The following RBFOX1 variants were observed in gnomAD, a reference collection of about 807,000 sequenced individuals.
RBFOX1 encodes RNA binding protein fox-1 homolog 1.
In RBFOX1, 8 loss-of-function variants were observed where a neutral mutation model predicts 57.7. The observed-to-expected ratio is 0.14, with a 90% confidence interval of 0.08 to 0.25. The LOEUF (loss-of-function observed/expected upper bound fraction) is 0.25, where lower values mean the gene tolerates loss of function less well. RBFOX1 is among the 10% of genes least tolerant of loss of function. The pLI is 1.00. For synonymous variants in RBFOX1, 326 were observed against 222.4 expected, an observed-to-expected ratio of 1.47 and a Z score of -4.15; for missense variants, 611 against 548.5, an observed-to-expected ratio of 1.11 and a Z score of -1.14.
chr16:6,502,144 GC>G (rs2095952893), intron 2 of RBFOX1, among the ~76,000 whole-genome samples: 1 of 152,076 alleles, frequency 6.6e-6, no homozygotes. Flanking sequence ...GTCCCTTCAG[GC>G]ATTGGCTTTA....
chr16:5,261,894 C>T lies in RBFOX1; in HGVS notation c.219+21789C>T, dbSNP rs188576362. Among the ~76,000 whole-genome samples the T allele has an allele frequency of 1.8e-4, 28 of 152,268 alleles. 1 individual carries two copies. The highest frequency in any genetic ancestry group is 1.4e-3 in the Admixed American group (21 of 15,286). On this transcript the variant is annotated intron_variant, in intron 1 of 2. Coordinates refer to the RBFOX1 transcript ENST00000585867. ...GTAACCCCCTTTCCCTGGCCTCTTG[C>T]ATCTTGTCTTCTTCTCTCCCAGTAG...
chr16:7,276,408 G>C (rs534885652), intron 4 of RBFOX1, among the ~76,000 whole-genome samples: 17 of 152,304 alleles, frequency 1.1e-4, no homozygotes, highest in African/African-American at 3.4e-4. Flanking sequence ...GAAGAGCCTG[G>C]ACATCCATTA....
At chr16:5,666,924 T>A (rs1283107815) in intron 3 of RBFOX1, among the ~76,000 whole-genome samples, 1 of 152,194 alleles carries the variant, frequency 6.6e-6, no homozygotes, top group Non-Finnish European at 1.5e-5. Context: ...GATTGCCCTG[T>A]GTGTTTCATT....
chr16:6,984,142 G>A (rs1345297066), intron 3 of RBFOX1, among the ~76,000 whole-genome samples: 1 of 152,136 alleles, frequency 6.6e-6, no homozygotes, highest in African/African-American at 2.4e-5. Context: ...AGCAACTTGG[G>A]AGGCTGAGGC....
At chr16:5,440,157 C>G (rs2068040489) in intron 1 of RBFOX1, among the ~76,000 whole-genome samples, 1 of 152,172 alleles carries the variant, frequency 6.6e-6, no homozygotes, top group Non-Finnish European at 1.5e-5. Context: ...ACTTGTAAAA[C>G]TAAGAAGCAT....
intron 2 of RBFOX1, among the ~76,000 whole-genome samples, chr16:6,330,367 G>T (rs2082868628): frequency 6.6e-6 from 1 of 152,184 alleles, no homozygotes; most frequent in South Asian, 2.1e-4. Context: ...CTCCCAAGAA[G>T]CCTTGCACAG....
At chr16:6,825,665 A>G (rs1220786593) in intron 3 of RBFOX1, among the ~76,000 whole-genome samples, 1 of 152,154 alleles carries the variant, frequency 6.6e-6, no homozygotes, top group African/African-American at 2.4e-5. Context: ...AGAAAGCAGG[A>G]GTCTTGGATA....
chr16:7,029,046 C>CCATATATATATA (rs1491230817), intron 3 of RBFOX1, among the ~76,000 whole-genome samples: 1 of 45,210 alleles, frequency 2.2e-5, no homozygotes, highest in South Asian at 6.3e-4. Flanking sequence ...AAAAAAAAAG[C>CCATATATATATA]TATATATATA....
In RBFOX1 at chr16:5,791,188, G is replaced by C. The variant is rs149137374; in HGVS notation, c.319-76115G>C. Among the ~76,000 whole-genome samples the C allele has an allele frequency of 2.6e-3, 389 of 152,038 alleles. 1 individual carries two copies. Among genetic ancestry groups the C allele is most frequent in the Middle Eastern group, 6.8e-3 (2 of 294 alleles). On this transcript the variant is annotated intron_variant, in intron 3 of 19. Transcript: ENST00000641259. ...TGGCTTTTTTATTTTAATTTGTCACGCATGACTCAGCTAGATCATTAAATA... is the reference window on the plus strand; with the variant it reads ...TGGCTTTTTTATTTTAATTTGTCACCCATGACTCAGCTAGATCATTAAATA...
At chr16:7,605,442 C>G (rs1031864380) in intron 9 of RBFOX1, among the ~76,000 whole-genome samples, 2 of 152,132 alleles carry the variant, frequency 1.3e-5, no homozygotes, top group African/African-American at 4.8e-5. Flanking sequence ...AAGTATAACA[C>G]TTTGAGAATC....
intron 3 of RBFOX1, among the ~76,000 whole-genome samples, chr16:7,027,628 C>T (rs1031082588): frequency 6.6e-6 from 1 of 152,132 alleles, no homozygotes; most frequent in African/African-American, 2.4e-5. Flanking sequence ...GAATTTAATC[C>T]CCCAAGCCCA....
intron 4 of RBFOX1, among the ~76,000 whole-genome samples, chr16:7,265,999 G>A (rs1303035092): frequency 3.0e-5 from 4 of 131,602 alleles, no homozygotes; most frequent in Non-Finnish European, 6.3e-5. Flanking sequence ...TTCTGAGAGG[G>A]AGTCTTGCTG....
chr16:7,586,776 T>C (rs1474341902), intron 6 of RBFOX1, among the ~76,000 whole-genome samples: 4 of 152,182 alleles, frequency 2.6e-5, no homozygotes, highest in Admixed American at 2.6e-4. Context: ...GTTTGTACTT[T>C]CTTGCTCATA....
intron 3 of RBFOX1, among the ~76,000 whole-genome samples, chr16:6,798,449 ATGT>A (rs2084599788): frequency 1.3e-5 from 2 of 152,184 alleles, no homozygotes; most frequent in Admixed American, 1.3e-4. Context: ...GAGAGCTGCT[ATGT>A]TGTTTAATTC....
intron 4 of RBFOX1, among the ~76,000 whole-genome samples, chr16:5,961,997 C>T (rs2152288931): frequency 6.6e-6 from 1 of 152,254 alleles, no homozygotes; most frequent in Admixed American, 6.5e-5. Context: ...GTATTGGGAG[C>T]CCATCTCTCT....
At chr16:6,251,310 G>A (rs1341185671) in intron 1 of RBFOX1, among the ~76,000 whole-genome samples, 1 of 152,130 alleles carries the variant, frequency 6.6e-6, no homozygotes, top group African/African-American at 2.4e-5. Context: ...ATTAAACTGG[G>A]GGGAAGCCCT....
intron 2 of RBFOX1, among the ~76,000 whole-genome samples, chr16:6,623,116 C>T (rs932674968): frequency 2.0e-5 from 3 of 152,104 alleles, no homozygotes; most frequent in Non-Finnish European, 4.4e-5. Context: ...AAACGGGAAA[C>T]ATATGGGTGG....
intron 1 of RBFOX1, among the ~76,000 whole-genome samples, chr16:6,173,203 G>A (rs149727997): frequency 1.5e-3 from 234 of 152,236 alleles, no homozygotes; most frequent in African/African-American, 5.1e-3. Flanking sequence ...GGATTACAGC[G>A]GCGTGGACAC....
intron 2 of RBFOX1, among the ~76,000 whole-genome samples, chr16:6,578,598 C>CGTGTGTGTGTGTGTGTGTGTGTGTGT (rs57470848): frequency 3.6e-5 from 4 of 110,666 alleles, no homozygotes; most frequent in Admixed American, 1.0e-4. Context: ...GGTGTGTGTG[C>CGTGTGTGTGTGTGTGTGTGTGTGTGT]GTGTGTGTGT....
Sources: gnomAD v4.1 joint callset for allele counts (sites outside exome capture counted in the v4.1 genomes callset) on GRCh38, gnomAD v4.1.1 for gene constraint, MANE v1.5 for transcripts, NCBI Gene and HGNC (gene_info 2026-07-23, HGNC 2026-07-21) for gene names.